The following KAT2B variants were observed in gnomAD, a reference collection of about 807,000 sequenced individuals.
The protein encoded by KAT2B is lysine acetyltransferase 2B.
KAT2B carries 36 observed loss-of-function variants against 105.9 expected under a neutral mutation model. That is an observed-to-expected ratio of 0.34 (90% confidence interval 0.26 to 0.45). KAT2B has a LOEUF of 0.45. Among genes scored for constraint, KAT2B ranks in the 20% least tolerant of loss-of-function variants. The pLI, the probability that KAT2B is intolerant of heterozygous loss-of-function variation, is 1.00. For synonymous variants in KAT2B, 397 were observed against 377.9 expected (o/e 1.05, Z -0.59); for missense variants, 820 against 1,021.6 (o/e 0.80, Z 2.69).
intron 2 of KAT2B, among the ~76,000 whole-genome samples, chr3:20,094,694 G>A (rs61457790): frequency 0.16 from 23,637 of 152,098 alleles, 2,131 homozygotes; most frequent in Middle Eastern, 0.22. Context: ...AAAATAGGCC[G>A]TGGGGACTTT....
At chr3:20,125,197 C>G (rs1403802037) in intron 9 of KAT2B, among the ~76,000 whole-genome samples, 1 of 151,486 alleles carries the variant, frequency 6.6e-6, no homozygotes, top group Non-Finnish European at 1.5e-5. Context: ...GTGGCAGGCT[C>G]CAGAGGCTGA....
At chr3:20,106,438 T>TACAC (rs10554524) in intron 5 of KAT2B, among the ~76,000 whole-genome samples, 8,428 of 145,660 alleles carry the variant, frequency 0.058, 456 homozygotes, top group East Asian at 0.2. Context: ...ACACCAGAAG[T>TACAC]ACACACACAC....
chr3:20,109,409 T>C (rs1559317163), intron 5 of KAT2B, among the ~76,000 whole-genome samples: 1 of 152,162 alleles, frequency 6.6e-6, no homozygotes, highest in African/African-American at 2.4e-5. Flanking sequence ...CTAGAACTCC[T>C]AGGTTCAAGT....
chr3:20,106,977 A>G (rs1469084035), intron 5 of KAT2B, among the ~76,000 whole-genome samples: 43 of 11,986 alleles, frequency 3.6e-3, no homozygotes, highest in South Asian at 0.019. Flanking sequence ...ATATATATAT[A>G]TGTATATATA....
At chr3:20,097,388 T>C (rs987760278) in intron 3 of KAT2B, among the ~76,000 whole-genome samples, 1 of 152,182 alleles carries the variant, frequency 6.6e-6, no homozygotes, top group Non-Finnish European at 1.5e-5. Flanking sequence ...ATATATTTGC[T>C]TGTGGAAACA....
At chr3:20,152,132 ATTT>A (rs1220793434) in intron 17 of KAT2B, among the ~76,000 whole-genome samples, 197 bp from the exon 18 acceptor site, 3 of 152,124 alleles carry the variant, frequency 2.0e-5, no homozygotes, top group Non-Finnish European at 2.9e-5. Flanking sequence ...GTGATTTTAC[ATTT>A]TTAAAAAACC....
At chr3:20,061,993 T>C (rs1219669778) in intron 1 of KAT2B, among the ~76,000 whole-genome samples, 1 of 87,190 alleles carries the variant, frequency 1.1e-5, no homozygotes, top group African/African-American at 4.1e-5. Flanking sequence ...ACATATAATA[T>C]ATAAAACATA....
At chr3:20,073,351 A>AT (rs1489498667) in intron 2 of KAT2B, among the ~76,000 whole-genome samples, 4 of 152,194 alleles carry the variant, frequency 2.6e-5, no homozygotes, top group African/African-American at 4.8e-5. Context: ...CCTGACCATT[A>AT]TAAGTGGGTG....
intron 1 of KAT2B, among the ~76,000 whole-genome samples, chr3:20,062,032 T>C (rs1559513978): frequency 9.7e-6 from 1 of 103,554 alleles, no homozygotes; most frequent in Non-Finnish European, 1.8e-5. Context: ...AAACATAATA[T>C]ATATTATATA....
chr3:20,097,985 T>A (rs1009500905), intron 3 of KAT2B, among the ~76,000 whole-genome samples: 4 of 152,168 alleles, frequency 2.6e-5, no homozygotes, highest in Non-Finnish European at 5.9e-5. Context: ...ATCCCAGAAC[T>A]TTGGGAGGCT....
intron 5 of KAT2B, among the ~76,000 whole-genome samples, chr3:20,101,982 C>T (rs1421188601): frequency 1.3e-5 from 2 of 151,870 alleles, no homozygotes; most frequent in Non-Finnish European, 2.9e-5. Context: ...TTAATTAGAG[C>T]CCTCACTCAA....
rs532062043 is a variant in KAT2B at position 20,127,305 on chromosome 3, G to T, written c.1623-118G>T. 2.9e-4 allele frequency: 266 copies of T among 917,378 alleles called. 3 individuals are homozygous for T. In the East Asian group the frequency reaches 6.4e-3, roughly 22 times the overall value. The allele number at this position is 917,378 out of a possible 1,614,324, so 56.8% of individuals were successfully genotyped here. A position where few individuals can be genotyped will look rare whatever the true frequency, so the allele number is the denominator to read the frequency against. On this transcript the variant is annotated intron_variant, in intron 10 of 17. Transcript: ENST00000263754. The stretch of plus-strand genomic sequence containing the variant: ...GCGAGATAGGGGCTACATGAAGGAA[G>T]TTTCTATAGAAACTTAGGACATGTC...
intron 5 of KAT2B, among the ~76,000 whole-genome samples, chr3:20,106,157 G>A (rs2125160539): frequency 6.6e-6 from 1 of 152,254 alleles, no homozygotes; most frequent in South Asian, 2.1e-4. Flanking sequence ...TTTAATTTCT[G>A]TTCACAGAAG....
chr3:20,125,284 G>GA (rs1699380420), intron 9 of KAT2B, among the ~76,000 whole-genome samples: 1 of 130,564 alleles, frequency 7.7e-6, no homozygotes, highest in East Asian at 2.4e-4. Context: ...TGGCCTGGGC[G>GA]AAAGAGCGAG....
chr3:20,128,247 T>G (rs1699445871), intron 11 of KAT2B, among the ~76,000 whole-genome samples: 1 of 152,224 alleles, frequency 6.6e-6, no homozygotes, highest in South Asian at 2.1e-4. Context: ...CGCAAACATG[T>G]AATCACAATT....
intron 9 of KAT2B, among the ~76,000 whole-genome samples, chr3:20,125,302 C>A (rs1253763653): frequency 2.3e-4 from 23 of 100,640 alleles, no homozygotes; most frequent in African/African-American, 6.7e-4. Context: ...GAGACTCCGT[C>A]TCAGAAAAAA....
chr3:20,063,881 A>C (rs939282831), intron 1 of KAT2B, among the ~76,000 whole-genome samples: 4 of 151,960 alleles, frequency 2.6e-5, no homozygotes, highest in African/African-American at 9.7e-5. Context: ...ATCTATTTTG[A>C]GTTCATTTGT....
At chr3:20,075,292 G>A (rs1288087757) in intron 2 of KAT2B, among the ~76,000 whole-genome samples, 1 of 151,686 alleles carries the variant, frequency 6.6e-6, no homozygotes, top group Non-Finnish European at 1.5e-5. Flanking sequence ...AAATATAATA[G>A]TATAAAACTT....
rs1334148294 is a variant in KAT2B at position 20,152,357 on chromosome 3, C to A, written c.2331C>A (p.Leu777=). 2 of 1,612,772 alleles carry A rather than the reference C, an allele frequency of 1.2e-6. No homozygotes were observed. Among genetic ancestry groups the A allele is most frequent in the East Asian group, 4.5e-5 (2 of 44,836 alleles). The change falls in exon 18 of 18, where the codon CTC becomes CTA. Residue 777 remains leucine, a synonymous_variant. Transcript: ENST00000263754. ...PMDLKTMSER[L]KNRYYVSKKL... Reference sequence around the variant, plus strand: ...ATCTGAAAACCATGAGTGAACGCCTCAAGAATAGGTACTACGTGTCTAAGA... The same window carrying A: ...ATCTGAAAACCATGAGTGAACGCCTAAAGAATAGGTACTACGTGTCTAAGA...
Sources: gnomAD v4.1 joint callset for allele counts (sites outside exome capture counted in the v4.1 genomes callset) on GRCh38, gnomAD v4.1.1 for gene constraint, MANE v1.5 for transcripts, NCBI Gene and HGNC (gene_info 2026-07-23, HGNC 2026-07-21) for gene names.